Variants in RHOA observed in about 807,000 individuals in gnomAD.
RHOA encodes the protein ras homolog family member A.
A neutral mutation model predicts 17.5 loss-of-function variants in RHOA; 3 were observed. The observed-to-expected ratio is 0.17, with a 90% CI of 0.08 to 0.44. RHOA has a LOEUF of 0.44. Among genes scored for constraint, RHOA ranks in the 20% least tolerant of loss-of-function variants. The pLI is 0.99. For synonymous variants in RHOA, 98 were observed against 88.4 expected, an observed-to-expected ratio of 1.11 and a Z score of -0.61; for missense variants, 56 against 242.3, an observed-to-expected ratio of 0.23 and a Z score of 5.10.
chr3:49,387,187 GTAATCCCA>G (rs549874709), intron 1 of RHOA, among the ~76,000 whole-genome samples: 27 of 135,312 alleles, frequency 2.0e-4, no homozygotes, highest in African/African-American at 6.6e-4. Flanking sequence ...GCTCACACCT[GTAATCCCA>G]GCACTTTGGG....
At chr3:49,385,558 T>C (rs1287471615) in intron 1 of RHOA, among the ~76,000 whole-genome samples, 10 of 152,130 alleles carry the variant, frequency 6.6e-5, no homozygotes, top group Non-Finnish European at 1.3e-4. Context: ...TTTATTTTTT[T>C]GATGATGCCC....
intron 1 of RHOA, among the ~76,000 whole-genome samples, chr3:49,389,807 G>A (rs1279813152): frequency 6.6e-6 from 1 of 151,712 alleles, no homozygotes; most frequent in African/African-American, 2.4e-5. Context: ...CGTGGTGGCA[G>A]GTGCCTGTAG....
chr3:49,387,945 TCTTA>T (rs1449288016), intron 1 of RHOA, among the ~76,000 whole-genome samples: 1 of 152,018 alleles, frequency 6.6e-6, no homozygotes, highest in Non-Finnish European at 1.5e-5. Flanking sequence ...ACCTGTTTAC[TCTTA>T]CTGTTTTAAT....
intron 1 of RHOA, among the ~76,000 whole-genome samples, chr3:49,397,049 G>C (rs2048627677): frequency 6.6e-6 from 1 of 151,510 alleles, no homozygotes; most frequent in Non-Finnish European, 1.5e-5. Flanking sequence ...AGGATCGCTT[G>C]GGCCCAGGAG....
intron 1 of RHOA, among the ~76,000 whole-genome samples, chr3:49,398,973 C>T (rs1300038770): frequency 1.4e-5 from 2 of 141,052 alleles, no homozygotes; most frequent in African/African-American, 5.3e-5. Context: ...AGGAGAATTG[C>T]TGCCTCGGGA....
chr3:49,404,720 G>A (rs914355253), intron 1 of RHOA, among the ~76,000 whole-genome samples: 3 of 149,648 alleles, frequency 2.0e-5, no homozygotes, highest in Non-Finnish European at 3.0e-5. Flanking sequence ...CCTGAGCTCA[G>A]GAGATGGAGA....
At chr3:49,408,261 C>T (rs1053182806) in intron 1 of RHOA, among the ~76,000 whole-genome samples, 26 of 52,570 alleles carry the variant, frequency 4.9e-4, no homozygotes, top group African/African-American at 1.3e-3. Context: ...CATATATATA[C>T]GTATACACGT....
chr3:49,399,359 G>C (rs1362049947), intron 1 of RHOA, among the ~76,000 whole-genome samples: 2 of 144,002 alleles, frequency 1.4e-5, no homozygotes, highest in African/African-American at 5.1e-5. Context: ...GACAGAGCGA[G>C]ACTCTGTCTC....
intron 3 of RHOA, among the ~76,000 whole-genome samples, chr3:49,362,899 C>A (rs1043702533): frequency 6.6e-6 from 1 of 152,196 alleles, no homozygotes; most frequent in Non-Finnish European, 1.5e-5. Flanking sequence ...AGCAAAAGAT[C>A]CACAACACAA....
chr3:49,372,501 G>A (rs372869346), intron 2 of RHOA, among the ~76,000 whole-genome samples: 2 of 152,148 alleles, frequency 1.3e-5, no homozygotes, highest in African/African-American at 2.4e-5. Context: ...AGCACTTTGG[G>A]AGGCAGGCAG....
intron 1 of RHOA, among the ~76,000 whole-genome samples, chr3:49,390,159 G>A (rs2107877074): frequency 6.6e-6 from 1 of 151,360 alleles, no homozygotes; most frequent in Non-Finnish European, 1.5e-5. Context: ...CTTTAAGATG[G>A]AGTCTCACTC....
chr3:49,378,079 G>A (rs1388830605), intron 1 of RHOA, among the ~76,000 whole-genome samples: 2 of 149,168 alleles, frequency 1.3e-5, no homozygotes, highest in African/African-American at 4.9e-5. Context: ...AACCCAGGAG[G>A]CAGAAGTTGC....
At chr3:49,381,990 G>A (rs1445544869) in intron 1 of RHOA, among the ~76,000 whole-genome samples, 2 of 151,668 alleles carry the variant, frequency 1.3e-5, no homozygotes, top group Non-Finnish European at 2.9e-5. Flanking sequence ...TTTGAGACCA[G>A]CTTGGGCAAA....
At chr3:49,379,228 A>ATAG (rs2048279600) in intron 1 of RHOA, among the ~76,000 whole-genome samples, 1 of 152,184 alleles carries the variant, frequency 6.6e-6, no homozygotes, top group African/African-American at 2.4e-5. Flanking sequence ...GATATATGCT[A>ATAG]TAGTATGGAT....
chr3:49,404,193 C>G lies in RHOA; in HGVS notation c.-3+7627G>C, dbSNP rs185651241. Among the ~76,000 whole-genome samples, 18 of 148,756 alleles carry G rather than the reference C, an allele frequency of 1.2e-4. No individual in the cohort carries two copies. In the East Asian group the frequency reaches 2.5e-3, roughly 21 times the overall value. On this transcript the variant is annotated intron_variant, in intron 1 of 4. Transcript: ENST00000418115. ...GCACATACACCTGTAGTCCCAGCTA[C>G]TAGGGAGGACGAGGCGTAAGGATAC...
At chr3:49,406,034 T>C (rs755851846) in intron 1 of RHOA, among the ~76,000 whole-genome samples, 1 of 152,158 alleles carries the variant, frequency 6.6e-6, no homozygotes, top group East Asian at 1.9e-4. Context: ...CAGAGCTTCA[T>C]TATGAATAAC....
In RHOA at chr3:49,369,981, C is replaced by T. The variant is rs963519942; in HGVS notation, c.157-1433G>A. 3.3e-5 allele frequency among the ~76,000 whole-genome samples: 5 copies of T among 151,982 alleles called. No individual in the cohort carries two copies. In the East Asian group the frequency reaches 5.8e-4, roughly 18 times the overall value. ...ACTCAGGAGGCTGAGGCAGGAGAAT[C>T]GCTTGAACCCAGGAGGCGGAGGTTG... On this transcript the variant is annotated intron_variant, in intron 2 of 4. Coordinates refer to ENST00000418115, the MANE Select transcript of RHOA (RefSeq NM_001664.4).
intron 1 of RHOA, among the ~76,000 whole-genome samples, chr3:49,376,468 C>G (rs2048229088): frequency 6.7e-6 from 1 of 150,214 alleles, no homozygotes; most frequent in South Asian, 2.1e-4. Context: ...ACGGAGAAAC[C>G]CCATCTCTAC....
intron 1 of RHOA, among the ~76,000 whole-genome samples, chr3:49,403,852 A>G (rs1011138375): frequency 2.6e-5 from 4 of 152,064 alleles, no homozygotes; most frequent in Non-Finnish European, 5.9e-5. Flanking sequence ...CTGGATTCCA[A>G]GTTTGGGAAC....
Sources: gnomAD v4.1 joint callset for allele counts (sites outside exome capture counted in the v4.1 genomes callset) on GRCh38, gnomAD v4.1.1 for gene constraint, MANE v1.5 for transcripts, NCBI Gene and HGNC (gene_info 2026-07-23, HGNC 2026-07-21) for gene names.